Variants in CDH18 observed in about 807,000 individuals in gnomAD.
The protein encoded by CDH18 is cadherin-18.
A neutral mutation model predicts 67.9 loss-of-function variants in CDH18; 31 were observed. That is an observed-to-expected ratio of 0.46 (90% confidence interval 0.34 to 0.62). CDH18 has a LOEUF of 0.62. Among genes scored for constraint, CDH18 ranks in the 20% least tolerant of loss-of-function variants. The pLI is 0.01. For synonymous variants in CDH18, 362 were observed against 347.2 expected, an observed-to-expected ratio of 1.04 and a Z score of -0.48; for missense variants, 890 against 975.5, an observed-to-expected ratio of 0.91 and a Z score of 1.17.
At chr5:19,705,344 G>T (rs545804199) in intron 5 of CDH18, among the ~76,000 whole-genome samples, 36 of 152,186 alleles carry the variant, frequency 2.4e-4, no homozygotes, top group Admixed American at 5.9e-4. Flanking sequence ...CATATGTAGG[G>T]ATCAATTGAA....
intron 1 of CDH18, among the ~76,000 whole-genome samples, chr5:20,559,209 T>C (rs1403449532): frequency 6.6e-6 from 1 of 151,972 alleles, no homozygotes; most frequent in Non-Finnish European, 1.5e-5. Context: ...ACCATAAAAT[T>C]CTGATTATAA....
At position 20,276,278 on chromosome 5, in the gene CDH18, C is replaced by A. The variant is rs115281536; in HGVS notation, c.-579-20773G>T. 1.0e-3 allele frequency among the ~76,000 whole-genome samples: 156 copies of A among 152,282 alleles called. 1 individual carries two copies. Among genetic ancestry groups the A allele is most frequent in the African/African-American group, 3.6e-3 (150 of 41,578 alleles). On this transcript the variant is annotated intron_variant, in intron 1 of 14. Transcript: ENST00000507958. ...GCAGCTCACAGCTCCAGGAGAGACT[C>A]CTCCCTTCAACTGAGGAGAGGAGAG...
chr5:20,229,718 T>G (rs1483273642), intron 2 of CDH18, among the ~76,000 whole-genome samples: 1 of 152,110 alleles, frequency 6.6e-6, no homozygotes, highest in Non-Finnish European at 1.5e-5. Flanking sequence ...TTTTTAATTT[T>G]TGCCTTCTTT....
At chr5:19,734,008 C>A (rs1054684020) in intron 4 of CDH18, among the ~76,000 whole-genome samples, 1 of 152,212 alleles carries the variant, frequency 6.6e-6, no homozygotes, top group Non-Finnish European at 1.5e-5. Context: ...GTGTTCCCTG[C>A]TGCAGGTCCG....
chr5:20,131,592 T>C (rs2126476592), intron 2 of CDH18, among the ~76,000 whole-genome samples: 1 of 152,272 alleles, frequency 6.6e-6, no homozygotes, highest in African/African-American at 2.4e-5. Context: ...TGTACATTTG[T>C]GTGTCTGTAT....
rs1580110565 is a variant in CDH18 at position 19,542,313 on chromosome 5, C to T, written c.1390+1556G>A. ...TGGAAATATGAAGAAATAGGAAACCCTATTGCTGTCAGAAATGTAAAACAG... is the reference window on the plus strand; with the variant it reads ...TGGAAATATGAAGAAATAGGAAACCTTATTGCTGTCAGAAATGTAAAACAG... On this transcript the variant is annotated intron_variant, in intron 9 of 12. Coordinates refer to ENST00000382275, the MANE Select transcript of CDH18 (RefSeq NM_004934.5). 2.0e-5 allele frequency among the ~76,000 whole-genome samples: 3 copies of T among 152,278 alleles called. No individual in the cohort carries two copies. The East Asian group carries it at 5.8e-4, about 29-fold the overall frequency.
chr5:19,802,533 AAT>A (rs1777578817), intron 3 of CDH18, among the ~76,000 whole-genome samples: 1 of 152,164 alleles, frequency 6.6e-6, no homozygotes, highest in Non-Finnish European at 1.5e-5. Flanking sequence ...GTAAAATTCA[AAT>A]ATGTTAAAAT....
chr5:20,113,259 C>T (rs1747628908), intron 2 of CDH18, among the ~76,000 whole-genome samples: 1 of 152,102 alleles, frequency 6.6e-6, no homozygotes, highest in Non-Finnish European at 1.5e-5. Flanking sequence ...CACAGTACTC[C>T]CATTTATTGA....
chr5:20,497,084 A>G (rs973235117), intron 1 of CDH18, among the ~76,000 whole-genome samples: 1 of 152,088 alleles, frequency 6.6e-6, no homozygotes, highest in Admixed American at 6.6e-5. Context: ...AAATGTCAAA[A>G]GGAATAGCCA....
chr5:19,836,399 T>G (rs1184777843), intron 3 of CDH18, among the ~76,000 whole-genome samples: 1 of 152,204 alleles, frequency 6.6e-6, no homozygotes, highest in Non-Finnish European at 1.5e-5. Flanking sequence ...GTTTTTTATT[T>G]GCATTTCTCT....
chr5:20,486,871 T>A (rs946100412), intron 1 of CDH18, among the ~76,000 whole-genome samples: 4 of 152,126 alleles, frequency 2.6e-5, no homozygotes, highest in Non-Finnish European at 5.9e-5. Flanking sequence ...CTAAGTTCTA[T>A]ACTCAGATTT....
chr5:20,081,796 G>T (rs1008027020), intron 2 of CDH18, among the ~76,000 whole-genome samples: 14 of 152,196 alleles, frequency 9.2e-5, no homozygotes, highest in African/African-American at 3.4e-4. Flanking sequence ...CCTACTCGAG[G>T]GTGGAGAGTG....
chr5:19,946,159 A>T (rs781491860), intron 2 of CDH18, among the ~76,000 whole-genome samples: 1 of 152,162 alleles, frequency 6.6e-6, no homozygotes, highest in Non-Finnish European at 1.5e-5. Flanking sequence ...AAGACAGCAG[A>T]TATCTAATCT....
intron 3 of CDH18, among the ~76,000 whole-genome samples, chr5:19,778,964 T>G (rs1269871634): frequency 6.6e-6 from 1 of 152,156 alleles, no homozygotes; most frequent in African/African-American, 2.4e-5. Context: ...GGAAGGATAT[T>G]CAAAACTCTC....
chr5:19,635,646 A>G (rs1753029845), intron 5 of CDH18, among the ~76,000 whole-genome samples: 2 of 152,186 alleles, frequency 1.3e-5, no homozygotes, highest in Admixed American at 1.3e-4. Context: ...AAACAAACAA[A>G]GAGTATAAAT....
upstream of CDH18, among the ~76,000 whole-genome samples, chr5:19,990,946 C>T (rs567162854): frequency 2.6e-5 from 4 of 152,266 alleles, no homozygotes; most frequent in South Asian, 8.3e-4. Context: ...GAACTAATCT[C>T]TGAAAGTGAA....
chr5:19,811,843 A>T (rs149033909), intron 3 of CDH18, among the ~76,000 whole-genome samples: 129 of 152,334 alleles, frequency 8.5e-4, no homozygotes, highest in Non-Finnish European at 1.6e-3. Flanking sequence ...AAAAAATGGT[A>T]ATTCAACAAA....
intron 2 of CDH18, among the ~76,000 whole-genome samples, chr5:20,192,698 C>T (rs545429111): frequency 1.1e-4 from 16 of 152,014 alleles, no homozygotes; most frequent in Non-Finnish European, 1.8e-4. Context: ...TTCTTCTGCT[C>T]CATTGGTCTA....
intron 2 of CDH18, among the ~76,000 whole-genome samples, chr5:19,926,440 A>T (rs2150184557): frequency 6.6e-6 from 1 of 152,292 alleles, no homozygotes; most frequent in Non-Finnish European, 1.5e-5. Context: ...GAGTTCTTAA[A>T]ACAGGGACTA....
Sources: allele counts gnomAD v4.1 joint callset (sites outside exome capture counted in the v4.1 genomes callset), GRCh38; gene constraint gnomAD v4.1.1; transcripts MANE v1.5; gene names NCBI Gene and HGNC (gene_info 2026-07-23, HGNC 2026-07-21).